The following FBXL5 variants were observed in gnomAD, a reference collection of about 807,000 sequenced individuals.
FBXL5 encodes F-box and leucine rich repeat protein 5.
Under a neutral mutation model 78.3 loss-of-function variants are expected in FBXL5, and 26 were observed. The ratio of observed to expected loss-of-function variants is 0.33; its 90% confidence interval spans 0.24 to 0.46. FBXL5 has a LOEUF of 0.46. FBXL5 is among the 20% of genes least tolerant of loss of function. The pLI is 1.00. For synonymous variants in FBXL5, 295 were observed against 282.5 expected (o/e 1.04, Z -0.45); for missense variants, 710 against 829.2 (o/e 0.86, Z 1.77).
chr4:15,605,472 AAAAG>A lies in FBXL5; in HGVS notation c.*247_*250del. 1 of 376,896 alleles carries A rather than the reference AAAAG, an allele frequency of 2.7e-6. No individual in the cohort carries two copies. Among genetic ancestry groups the A allele is most frequent in the Non-Finnish European group, 4.9e-6 (1 of 205,006 alleles). The allele number at this position is 376,896 out of a possible 1,614,324, so 23.3% of individuals were successfully genotyped here. Reference sequence around the variant, plus strand: ...CAACATTCTTTAAAGCATTTCATTTAAAAGAAAAATGTAAGACTGTTCTCACCCT... The same window carrying A: ...CAACATTCTTTAAAGCATTTCATTTAAAAAATGTAAGACTGTTCTCACCCT... On this transcript the variant is annotated 3_prime_UTR_variant, in exon 11 of 11. Coordinates refer to ENST00000341285, the MANE Select transcript of FBXL5 (RefSeq NM_012161.4).
intron 1 of FBXL5, among the ~76,000 whole-genome samples, chr4:15,647,457 G>A (rs944946712): frequency 3.9e-5 from 6 of 152,014 alleles, no homozygotes; most frequent in African/African-American, 9.7e-5. Flanking sequence ...TGGGTGTCCT[G>A]AAAACAATCT....
At chr4:15,671,425 T>C (rs929539441) in intron 1 of FBXL5, among the ~76,000 whole-genome samples, 1 of 151,978 alleles carries the variant, frequency 6.6e-6, no homozygotes, top group African/African-American at 2.4e-5. Context: ...ACAATTTGAT[T>C]ATGGTGTACT....
chr4:15,621,881 T>G (rs1284315374), intron 9 of FBXL5, among the ~76,000 whole-genome samples: 2 of 152,160 alleles, frequency 1.3e-5, no homozygotes, highest in Non-Finnish European at 2.9e-5. Context: ...CTGGCTGGAG[T>G]GCAATAGTGC....
chr4:15,625,138 A>G (rs932694202), intron 9 of FBXL5, 114 bp downstream of exon 9: 2 of 1,210,678 alleles, frequency 1.7e-6, no homozygotes, highest in African/African-American at 3.1e-5. Context: ...GATCTTGGTT[A>G]ATCCTTTTTG....
chr4:15,608,435 G>T (rs751059522), intron 10 of FBXL5, among the ~76,000 whole-genome samples: 1 of 151,960 alleles, frequency 6.6e-6, no homozygotes, highest in Non-Finnish European at 1.5e-5. Flanking sequence ...TGGTGGCAGA[G>T]ATAATGGGGG....
upstream of FBXL5, among the ~76,000 whole-genome samples, chr4:15,664,435 C>CT (rs1717445276): frequency 6.6e-6 from 1 of 151,670 alleles, no homozygotes; most frequent in South Asian, 2.1e-4. Context: ...CCCAGGCACT[C>CT]TTATGTGTCA....
In FBXL5 at chr4:15,644,594, C is replaced by G; in HGVS notation, c.199G>C (p.Gly67Arg). 1.2e-6 allele frequency: 2 copies of G among 1,613,974 alleles called. No individual in the cohort carries two copies. The highest frequency in any genetic ancestry group is 1.7e-6 in the Non-Finnish European group (2 of 1,179,950). The change falls in exon 2 of 11, where the codon GGT (glycine) becomes CGT (arginine). Residue 67 changes from glycine to arginine, a missense_variant. Transcript: ENST00000341285. ...GTCTGGCTGCGTTGTTGAAGCAAAC[C>G]AATAATGTATTCATTTTCAATCTGC... ...HEQIENEYII[G>R]LLQQRSQTIY... is the part of the protein sequence containing the mutation.
At chr4:15,670,302 C>T (rs747552704) in intron 1 of FBXL5, among the ~76,000 whole-genome samples, 2 of 152,174 alleles carry the variant, frequency 1.3e-5, no homozygotes, top group African/African-American at 2.4e-5. Context: ...CTAGATCATA[C>T]GTATGATAGA....
chr4:15,606,897 G>GCAA (rs540555647), intron 10 of FBXL5, among the ~76,000 whole-genome samples: 4 of 152,082 alleles, frequency 2.6e-5, no homozygotes, highest in Non-Finnish European at 5.9e-5. Flanking sequence ...GCACTCGGCT[G>GCAA]CAACAACAAC....
At chr4:15,650,378 C>T (rs911684262) in intron 1 of FBXL5, among the ~76,000 whole-genome samples, 3 of 152,178 alleles carry the variant, frequency 2.0e-5, no homozygotes, top group African/African-American at 7.2e-5. Context: ...GTATTTCCCT[C>T]TCTTATCTGT....
chr4:15,676,053 A>G (rs994207188), intron 1 of FBXL5, among the ~76,000 whole-genome samples: 9 of 152,342 alleles, frequency 5.9e-5, no homozygotes, highest in Non-Finnish European at 7.4e-5. Flanking sequence ...TTTGGCAAAT[A>G]CTTAACTTTC....
intron 9 of FBXL5, among the ~76,000 whole-genome samples, chr4:15,614,998 C>G (rs962890286): frequency 6.6e-6 from 1 of 152,152 alleles, no homozygotes; most frequent in Non-Finnish European, 1.5e-5. Flanking sequence ...TGGCGGGCCC[C>G]GCACTCAGAG....
chr4:15,615,494 T>G (rs1395391551), intron 9 of FBXL5, among the ~76,000 whole-genome samples: 1 of 150,664 alleles, frequency 6.6e-6, no homozygotes, highest in African/African-American at 2.4e-5. Context: ...ACTCTGTATC[T>G]AGCTGCTCTG....
upstream of FBXL5, among the ~76,000 whole-genome samples, chr4:15,657,125 T>C (rs1028431443): frequency 3.3e-5 from 5 of 152,224 alleles, no homozygotes; most frequent in Non-Finnish European, 5.9e-5. Context: ...GGACTTTGCC[T>C]CTATATTTTT....
intron 6 of FBXL5, among the ~76,000 whole-genome samples, 184 bp downstream of exon 6, chr4:15,630,482 T>C (rs575702939): frequency 3.9e-5 from 6 of 152,336 alleles, no homozygotes; most frequent in Non-Finnish European, 4.4e-5. Context: ...ATGCACTCTT[T>C]AAAGTACTTC....
intron 5 of FBXL5, among the ~76,000 whole-genome samples, chr4:15,632,077 T>A (rs1323925772): frequency 2.0e-5 from 3 of 152,226 alleles, no homozygotes; most frequent in Non-Finnish European, 4.4e-5. Flanking sequence ...TAATCCATCT[T>A]GAATTAATTT....
intron 3 of FBXL5, 45 bp from the exon 4 acceptor site, chr4:15,638,739 T>C (rs755412626): frequency 9.0e-6 from 11 of 1,228,702 alleles, no homozygotes; most frequent in South Asian, 2.7e-5. Context: ...TTCATTCGTG[T>C]TGATTTACTC....
intron 1 of FBXL5, among the ~76,000 whole-genome samples, chr4:15,680,650 TG>T (rs1718199869): frequency 6.6e-6 from 1 of 151,918 alleles, no homozygotes; most frequent in Non-Finnish European, 1.5e-5. Flanking sequence ...CACTCCAGCC[TG>T]GGCGAGAGAG....
intron 10 of FBXL5, among the ~76,000 whole-genome samples, chr4:15,610,350 TA>T (rs1722164932): frequency 6.6e-6 from 1 of 152,130 alleles, no homozygotes; most frequent in Non-Finnish European, 1.5e-5. Flanking sequence ...CTGTAAATTT[TA>T]AAGGCTTTCC....
Sources: allele counts gnomAD v4.1 joint callset (sites outside exome capture counted in the v4.1 genomes callset), GRCh38; gene constraint gnomAD v4.1.1; transcripts MANE v1.5; gene names NCBI Gene and HGNC (gene_info 2026-07-23, HGNC 2026-07-21).